RTTN: variants seen among roughly 807,000 people sequenced by gnomAD.
The protein encoded by RTTN is rotatin.
Under a neutral mutation model 269.2 loss-of-function variants are expected in RTTN, and 182 were observed. The ratio of observed to expected loss-of-function variants is 0.68; its 90% CI spans 0.60 to 0.76. RTTN has a LOEUF of 0.76. RTTN is among the 30% of genes least tolerant of loss of function. RTTN has a pLI of 0.00. For missense variants in RTTN, 2,545 were observed against 2,608.6 expected (o/e 0.98, Z 0.53); for synonymous variants, 1,006 against 963.5 (o/e 1.04, Z -0.82).
rs761511944 is a variant in RTTN, at chr18:70,051,478, C to T, written c.5256G>A (p.Arg1752=). The change falls in exon 39 of 49, where the codon AGG becomes AGA. Residue 1752 remains arginine, a synonymous_variant. Transcript: ENST00000640769. ...HLFNLLAMLL[R]KAGAITLPFV... is the part of the protein sequence containing the mutation. ...ACGGGAGTGTGATGGCACCAGCTTT[C>T]CTCAGGAGCATGGCCAGAAGATTAA... is the stretch of plus-strand genomic sequence containing the variant. 6.2e-7 allele frequency: 1 copy of T among 1,613,858 alleles called. No homozygotes were observed. The highest frequency in any genetic ancestry group is 8.5e-7 in the Non-Finnish European group (1 of 1,179,798).
At position 70,004,509 on chromosome 18, in the gene RTTN, T is replaced by C. The variant is rs7241642; in HGVS notation, c.6596-273A>G. On this transcript the variant is annotated intron_variant, in intron 48 of 48. Coordinates refer to ENST00000640769, the MANE Select transcript of RTTN (RefSeq NM_173630.4). ...ACCATTAACTATAATTCCAAATGAA[T>C]GCCATTAATCTTTTTTTATGTACCA... Among the ~76,000 whole-genome samples the C allele has an allele frequency of 0.91, 139,172 of 152,120 alleles. 64,592 individuals are homozygous for C. The highest frequency in any genetic ancestry group is 1 in the East Asian group (5,178 of 5,178).
At chr18:70,015,211 C>T (rs1296425640) in intron 46 of RTTN, among the ~76,000 whole-genome samples, 4 of 152,038 alleles carry the variant, frequency 2.6e-5, no homozygotes, top group Middle Eastern at 6.8e-3. Context: ...ACAAGGTGCC[C>T]GCCACCATGC....
rs566856390 is a variant in RTTN, at chr18:70,132,559, T to TAA, written c.2954+1912_2954+1913dup. 6.8e-3 allele frequency among the ~76,000 whole-genome samples: 1,016 copies of TAA among 150,468 alleles called. 11 individuals are homozygous for TAA. The highest frequency in any genetic ancestry group is 0.023 in the African/African-American group (961 of 41,104). On this transcript the variant is annotated intron_variant, in intron 23 of 48. Coordinates refer to ENST00000640769, the MANE Select transcript of RTTN (RefSeq NM_173630.4). Reference sequence around the variant, plus strand: ...TAACTCTAAACAACCCTTGCATCAATAAAAAAAAATCACAAAACACTTAGA... The same window carrying TAA: ...TAACTCTAAACAACCCTTGCATCAATAAAAAAAAAAATCACAAAACACTTAGA...
At chr18:70,099,806 C>A (rs189223325) in intron 28 of RTTN, among the ~76,000 whole-genome samples, 2 of 152,320 alleles carry the variant, frequency 1.3e-5, no homozygotes, top group East Asian at 3.9e-4. Flanking sequence ...TATGGCTAGC[C>A]AGTTTTCCCA....
At chr18:70,057,287 A>C (rs1396947833) in intron 37 of RTTN, among the ~76,000 whole-genome samples, 1 of 152,268 alleles carries the variant, frequency 6.6e-6, no homozygotes, top group Non-Finnish European at 1.5e-5. Flanking sequence ...AGAATTTAAA[A>C]CTAAATATCT....
At chr18:70,103,068 C>A (rs568378147) in intron 28 of RTTN, among the ~76,000 whole-genome samples, 3 of 144,292 alleles carry the variant, frequency 2.1e-5, no homozygotes, top group African/African-American at 7.9e-5. Flanking sequence ...AAGTGAGGAG[C>A]GCCTCTGCCC....
At chr18:70,142,458 G>C in intron 18 of RTTN, 71 bp from the exon 19 acceptor site, 1 of 879,146 alleles carries the variant, frequency 1.1e-6, no homozygotes, top group South Asian at 1.5e-5. Flanking sequence ...AGATTTTATA[G>C]TTTGTGCCCT....
intron 40 of RTTN, among the ~76,000 whole-genome samples, chr18:70,043,403 A>C (rs1872698734): frequency 6.6e-6 from 1 of 152,202 alleles, no homozygotes; most frequent in Non-Finnish European, 1.5e-5. Context: ...TATTAGGAGA[A>C]TGAGAAGGGA....
intron 40 of RTTN, among the ~76,000 whole-genome samples, chr18:70,036,285 G>A (rs1478875468): frequency 4.6e-5 from 7 of 152,196 alleles, no homozygotes; most frequent in Non-Finnish European, 1.0e-4. Context: ...TAAAGACATG[G>A]AATCAACTTA....
chr18:70,101,244 C>A (rs571861352), intron 28 of RTTN, among the ~76,000 whole-genome samples: 2 of 152,158 alleles, frequency 1.3e-5, no homozygotes, highest in Non-Finnish European at 2.9e-5. Context: ...ATTATTGCCT[C>A]AATTTCAGAG....
At chr18:70,065,713 G>T (rs938587171) in intron 35 of RTTN, 116 bp downstream of exon 35, 7 of 552,122 alleles carry the variant, frequency 1.3e-5, no homozygotes, top group Middle Eastern at 2.9e-4. Context: ...TTTCATAATG[G>T]TCTACAACTT....
chr18:70,102,974 C>G (rs2059212564), intron 28 of RTTN, among the ~76,000 whole-genome samples: 2 of 150,032 alleles, frequency 1.3e-5, no homozygotes, highest in African/African-American at 4.9e-5. Context: ...GCCCAGCTGT[C>G]CAGTCTGGGA....
At chr18:70,058,846 G>A (rs929907613) in intron 36 of RTTN, among the ~76,000 whole-genome samples, 8 of 152,146 alleles carry the variant, frequency 5.3e-5, no homozygotes, top group African/African-American at 1.9e-4. Context: ...ATACTCCATT[G>A]CGTATCATAC....
intron 18 of RTTN, 147 bp from the exon 19 acceptor site, chr18:70,142,534 A>C: frequency 1.6e-6 from 1 of 606,232 alleles, no homozygotes; most frequent in Non-Finnish European, 2.9e-6. Flanking sequence ...AATTCACACA[A>C]TGCTGGGTTA....
In RTTN at chr18:70,139,621, A is replaced by T. The variant is rs760842675; in HGVS notation, c.2766T>A (p.Ser922=). The T allele has an allele frequency of 6.2e-7, 1 of 1,610,592 alleles. No individual in the cohort carries two copies. Among genetic ancestry groups the T allele is most frequent in the Non-Finnish European group, 8.5e-7 (1 of 1,177,110 alleles). The change falls in exon 21 of 49, where the codon TCT becomes TCA. Residue 922 remains serine (S), a synonymous_variant. Transcript: ENST00000640769. ...VMRVSLSQQS[S]LLTVLFRVSL... is the part of the protein sequence containing the mutation. ...TACCTCTGAATAACACGGTCAAAAG[A>T]GAAGACTGTTGCGAGAGCGAAACAC...
At chr18:70,202,635 C>T (rs941711453) in intron 3 of RTTN, among the ~76,000 whole-genome samples, 2 of 152,172 alleles carry the variant, frequency 1.3e-5, no homozygotes, top group Non-Finnish European at 2.9e-5. Context: ...GTCTTCGAAA[C>T]TGTAAAATAT....
Position 70,060,027 on chromosome 18 carries a change from G to A in RTTN, c.4763C>T (p.Thr1588Ile), listed in dbSNP as rs370654026. 1.2e-5 allele frequency: 20 copies of A among 1,610,978 alleles called. No homozygotes were observed. The African/African-American group carries it at 1.5e-4, about 12-fold the overall frequency. The change falls in exon 36 of 49, where the codon ACA becomes ATA. Residue 1588 changes from threonine to isoleucine, a missense_variant. Coordinates refer to ENST00000640769, the MANE Select transcript of RTTN (RefSeq NM_173630.4). ...TGAATCATGAGGTGGCCGTGGTGAT[G>A]TACTTTCCTGGTGACCTATTATTGA... ...QFVAQGHQES[T>I]SPRPPHDSSL...
chr18:70,168,113 C>A (rs200115711), intron 12 of RTTN, among the ~76,000 whole-genome samples: 276 of 139,254 alleles, frequency 2.0e-3, no homozygotes, highest in Middle Eastern at 3.7e-3. Context: ...AGAAGGCTGT[C>A]AAAAAAAAAA....
chr18:70,032,300 C>A (rs563464752), intron 40 of RTTN, among the ~76,000 whole-genome samples: 1 of 152,162 alleles, frequency 6.6e-6, no homozygotes, highest in Non-Finnish European at 1.5e-5. Flanking sequence ...CTCCCAGGTA[C>A]GGGCCCATAC....
Sources: allele counts gnomAD v4.1 joint callset (sites outside exome capture counted in the v4.1 genomes callset), GRCh38; gene constraint gnomAD v4.1.1; transcripts MANE v1.5; gene names NCBI Gene and HGNC (gene_info 2026-07-23, HGNC 2026-07-21).